CNTNAP5: variants seen among roughly 807,000 people sequenced by gnomAD.
CNTNAP5 encodes contactin-associated protein-like 5.
CNTNAP5 carries 72 observed loss-of-function variants against 150.2 expected under a neutral mutation model. The ratio of observed to expected loss-of-function variants is 0.48; its 90% CI spans 0.40 to 0.58. CNTNAP5 has a LOEUF of 0.58. Among genes scored for constraint, CNTNAP5 ranks in the 20% least tolerant of loss-of-function variants. CNTNAP5 has a pLI of 0.00. For missense variants in CNTNAP5, 1,636 were observed against 1,626.2 expected (o/e 1.01, Z -0.10); for synonymous variants, 672 against 619.8 (o/e 1.08, Z -1.25).
intron 13 of CNTNAP5, among the ~76,000 whole-genome samples, chr2:124,684,873 C>G (rs889982720): frequency 6.6e-6 from 1 of 152,114 alleles, no homozygotes; most frequent in African/African-American, 2.4e-5. Context: ...CACAAGTTGT[C>G]CAAGGTCACT....
chr2:124,777,270 G>C (rs925205342), intron 17 of CNTNAP5, among the ~76,000 whole-genome samples: 1 of 152,134 alleles, frequency 6.6e-6, no homozygotes, highest in African/African-American at 2.4e-5. Context: ...TTCAGGAAAA[G>C]TGAGTGATTA....
chr2:124,891,132 A>T (rs1280348943), intron 21 of CNTNAP5, among the ~76,000 whole-genome samples: 2 of 152,110 alleles, frequency 1.3e-5, no homozygotes, highest in Non-Finnish European at 2.9e-5. Context: ...AGAGTTCTTC[A>T]GCTACTTGTG....
At chr2:124,860,089 C>T (rs537862969) in intron 19 of CNTNAP5, among the ~76,000 whole-genome samples, 118 of 152,060 alleles carry the variant, frequency 7.8e-4, no homozygotes, top group African/African-American at 2.6e-3. Flanking sequence ...TGGTGACTCA[C>T]GCCTGTAATC....
chr2:124,892,531 T>C (rs1215125745), intron 21 of CNTNAP5, among the ~76,000 whole-genome samples: 2 of 152,056 alleles, frequency 1.3e-5, no homozygotes, highest in Non-Finnish European at 2.9e-5. Context: ...AAGCAAGAGC[T>C]CTAGATAAAG....
chr2:124,873,540 T>C (rs1677793965), intron 21 of CNTNAP5, among the ~76,000 whole-genome samples: 1 of 152,064 alleles, frequency 6.6e-6, no homozygotes, highest in Non-Finnish European at 1.5e-5. Flanking sequence ...AACACTCTGG[T>C]CTATGAAAGT....
At chr2:124,758,713 A>G (rs932255026) in intron 14 of CNTNAP5, among the ~76,000 whole-genome samples, 26 of 152,172 alleles carry the variant, frequency 1.7e-4, no homozygotes, top group Middle Eastern at 3.4e-3. Flanking sequence ...AGATTGAGAG[A>G]TAGGGTTGAG....
At chr2:124,706,573 C>T (rs1679641179) in intron 13 of CNTNAP5, among the ~76,000 whole-genome samples, 1 of 151,626 alleles carries the variant, frequency 6.6e-6, no homozygotes, top group South Asian at 2.1e-4. Context: ...GTGGTGAAAC[C>T]CCATCTCTAT....
chr2:124,791,592 C>A (rs1681729583), intron 18 of CNTNAP5, among the ~76,000 whole-genome samples: 1 of 151,642 alleles, frequency 6.6e-6, no homozygotes. Context: ...CTAACCAAGT[C>A]TTTTGTTTGG....
chr2:124,875,449 C>A (rs1432791477), intron 21 of CNTNAP5, among the ~76,000 whole-genome samples: 1 of 151,892 alleles, frequency 6.6e-6, no homozygotes, highest in Non-Finnish European at 1.5e-5. Context: ...ACAAATTGAC[C>A]CATGTTTGCA....
At chr2:124,251,135 G>C (rs1687162891) in intron 3 of CNTNAP5, among the ~76,000 whole-genome samples, 1 of 152,136 alleles carries the variant, frequency 6.6e-6, no homozygotes, top group South Asian at 2.1e-4. Flanking sequence ...TTCTGCTGCT[G>C]TGGCTGCTCT....
At chr2:124,716,895 G>A (rs912931970) in intron 13 of CNTNAP5, among the ~76,000 whole-genome samples, 2 of 152,154 alleles carry the variant, frequency 1.3e-5, no homozygotes, top group African/African-American at 2.4e-5. Context: ...CCATAACATC[G>A]GGCTGGTCTG....
chr2:124,280,513 G>A (rs1310429667), intron 3 of CNTNAP5, among the ~76,000 whole-genome samples: 1 of 151,990 alleles, frequency 6.6e-6, no homozygotes, highest in Non-Finnish European at 1.5e-5. Flanking sequence ...CACCACCAGT[G>A]GCACAAGGCT....
intron 4 of CNTNAP5, among the ~76,000 whole-genome samples, chr2:124,434,078 T>C (rs2104794263): frequency 6.6e-6 from 1 of 152,284 alleles, no homozygotes; most frequent in African/African-American, 2.4e-5. Flanking sequence ...CTATTTTTCA[T>C]CTCTAATGTT....
At chr2:124,205,107 T>C (rs149759667) in intron 1 of CNTNAP5, among the ~76,000 whole-genome samples, 185 of 152,296 alleles carry the variant, frequency 1.2e-3, no homozygotes, top group African/African-American at 4.2e-3. Flanking sequence ...ACTGGTACGG[T>C]GTGACCGTGT....
chr2:124,359,177 T>C (rs1159147304), intron 3 of CNTNAP5, among the ~76,000 whole-genome samples: 1 of 152,166 alleles, frequency 6.6e-6, no homozygotes, highest in African/African-American at 2.4e-5. Flanking sequence ...TTATTGTGTC[T>C]ATTTGATCCT....
intron 13 of CNTNAP5, among the ~76,000 whole-genome samples, chr2:124,672,760 T>C (rs986043093): frequency 6.6e-6 from 1 of 152,184 alleles, no homozygotes; most frequent in Non-Finnish European, 1.5e-5. Flanking sequence ...TTCAATAAGT[T>C]GGTGTACATG....
At chr2:124,673,805 C>T (rs967775072) in intron 13 of CNTNAP5, among the ~76,000 whole-genome samples, 4 of 150,928 alleles carry the variant, frequency 2.7e-5, no homozygotes, top group African/African-American at 9.7e-5. Context: ...TTTTCTGACT[C>T]CAATGCCCTC....
intron 1 of CNTNAP5, among the ~76,000 whole-genome samples, chr2:124,037,000 C>G (rs1681240243): frequency 6.6e-6 from 1 of 152,158 alleles, no homozygotes; most frequent in African/African-American, 2.4e-5. Flanking sequence ...ACAGTCTTTC[C>G]CTATAATCCA....
At chr2:124,305,230 A>T (rs1688658280) in intron 3 of CNTNAP5, among the ~76,000 whole-genome samples, 1 of 151,432 alleles carries the variant, frequency 6.6e-6, no homozygotes, top group African/African-American at 2.4e-5. Flanking sequence ...GTAAGCTGAG[A>T]TTGCACCACT....
Sources: gnomAD v4.1 joint callset for allele counts (sites outside exome capture counted in the v4.1 genomes callset) on GRCh38, gnomAD v4.1.1 for gene constraint, MANE v1.5 for transcripts, NCBI Gene and HGNC (gene_info 2026-07-23, HGNC 2026-07-21) for gene names.